The following NME5 variants were observed in gnomAD, a reference collection of about 807,000 sequenced individuals.
NME5 encodes nucleoside diphosphate kinase 5.
A neutral mutation model predicts 21.6 loss-of-function variants in NME5; 18 were observed. That is an observed-to-expected ratio of 0.83 (90% CI 0.58 to 1.24). The LOEUF (loss-of-function observed/expected upper bound fraction) is 1.24, where lower values mean the gene tolerates loss of function less well. NME5 is among the 50% of genes most tolerant of loss of function. The pLI is 0.00. For missense variants in NME5, 223 were observed against 255.4 expected (o/e 0.87, Z 0.86); for synonymous variants, 70 against 80.6 (o/e 0.87, Z 0.71).
intron 2 of NME5, among the ~76,000 whole-genome samples, chr5:138,134,709 C>A (rs1490084586): frequency 1.3e-5 from 2 of 149,318 alleles, no homozygotes; most frequent in Non-Finnish European, 3.0e-5. Flanking sequence ...ACACTAGCCA[C>A]TTAATTATTA....
Position 138,129,300 on chromosome 5 carries a change from T to C in NME5, c.298A>G (p.Asn100Asp). Reference protein sequence around the residue: ...ISYWLELLGPNNSLVAKETHP... With the variant: ...ISYWLELLGPDNSLVAKETHP... ...GTCTCCTTCGCTACTAAGCTATTAT[T>C]TGGTCCCAAAAGTTCTAACCAATAA... The change falls in exon 3 of 6, where the codon AAT becomes GAT. Residue 100 changes from asparagine to aspartate, a missense_variant. Asn to Asp is a conservative substitution (Grantham distance 23). Coordinates refer to ENST00000265191, the MANE Select transcript of NME5 (RefSeq NM_003551.3). The C allele has an allele frequency of 6.2e-7, 1 of 1,614,072 alleles. No individual in the cohort carries two copies. Among genetic ancestry groups the C allele is most frequent in the East Asian group, 2.2e-5 (1 of 44,882 alleles).
Position 138,118,868 on chromosome 5 carries a change from G to C in NME5, c.505C>G (p.Leu169Val). ...DYLNLHIMPT[L>V]LEGLTELCKQ... ...CAAAGCTCTGTGAGTCCTTCAAGCA[G>C]AGTTGGCATTATATGTAAATTTAAA... Residue 169 changes from leucine (L) to valine (V), a missense_variant, in exon 5 of 6, where the codon CTG becomes GTG. Transcript: ENST00000265191. 6.2e-7 allele frequency: 1 copy of C among 1,613,784 alleles called. No individual in the cohort carries two copies.
At position 138,115,315 on chromosome 5, in the gene NME5, T is replaced by G. The variant is rs1398490198; in HGVS notation, c.*366A>C. The stretch of plus-strand genomic sequence containing the variant: ...GGACTACAAAAGGACCTAAGCCTTT[T>G]AAACTAGACTGTCTCAACTGTGCAT... On this transcript the variant is annotated 3_prime_UTR_variant, in exon 6 of 6. Coordinates refer to ENST00000265191, the MANE Select transcript of NME5 (RefSeq NM_003551.3). 1 of 156,986 alleles carries G rather than the reference T, an allele frequency of 6.4e-6. No homozygotes were observed. The highest frequency in any genetic ancestry group is 1.4e-5 in the Non-Finnish European group (1 of 71,382). The allele number at this position is 156,986 out of a possible 1,614,324, so 9.7% of individuals were successfully genotyped here.
chr5:138,119,054 G>A, intron 4 of NME5, 118 bp from the exon 5 acceptor site: 1 of 610,286 alleles, frequency 1.6e-6, no homozygotes, highest in Non-Finnish European at 2.8e-6. Context: ...TTTTGAGATG[G>A]AGTCTTACTC....
intron 1 of NME5, 106 bp from the exon 2 acceptor site, chr5:138,138,891 C>G: frequency 9.9e-7 from 1 of 1,014,884 alleles, no homozygotes; most frequent in African/African-American, 1.6e-5. Context: ...TTAAGAATAG[C>G]AATAGTAGGT....
chr5:138,116,014 A>G (rs1052511642), intron 5 of NME5, among the ~76,000 whole-genome samples: 1 of 152,216 alleles, frequency 6.6e-6, no homozygotes, highest in African/African-American at 2.4e-5. Flanking sequence ...AGGAATTTAC[A>G]AGGAAGCCAC....
intron 4 of NME5, among the ~76,000 whole-genome samples, chr5:138,124,595 A>G (rs957642297): frequency 2.0e-5 from 3 of 152,122 alleles, no homozygotes; most frequent in Admixed American, 6.5e-5. Flanking sequence ...AATGCAGCTC[A>G]CTGCGGCCTC....
intron 4 of NME5, among the ~76,000 whole-genome samples, chr5:138,127,896 T>C (rs1464344169): frequency 6.6e-6 from 1 of 152,140 alleles, no homozygotes; most frequent in Non-Finnish European, 1.5e-5. Flanking sequence ...CAGAAGAATA[T>C]GTCTAATGCA....
intron 2 of NME5, among the ~76,000 whole-genome samples, chr5:138,137,413 G>A (rs1751723369): frequency 6.6e-6 from 1 of 151,946 alleles, no homozygotes; most frequent in Non-Finnish European, 1.5e-5. Context: ...TGCCTCCTGA[G>A]TTCAAGCGAT....
chr5:138,122,463 A>AAAAAAAAG (rs1196337031), intron 4 of NME5, among the ~76,000 whole-genome samples: 30 of 149,016 alleles, frequency 2.0e-4, no homozygotes, highest in African/African-American at 7.4e-4. Context: ...AAAAAAAAAA[A>AAAAAAAAG]AAAAAATTGT....
intron 2 of NME5, among the ~76,000 whole-genome samples, chr5:138,136,974 C>T: frequency 6.6e-6 from 1 of 150,504 alleles, no homozygotes; most frequent in East Asian, 1.9e-4. Context: ...TCTTTTCTTC[C>T]ATGGCTCCTA....
In NME5 at chr5:138,129,355, G is replaced by T; in HGVS notation, c.243C>A (p.Ala81=). Reference sequence around the variant, plus strand: ...TGGCTTTATGTCTAGCTAATATCATGGCGACAAGTGGTCCAGAACTCATGT... The same window carrying T: ...TGGCTTTATGTCTAGCTAATATCATTGCGACAAGTGGTCCAGAACTCATGT... ...TAYMSSGPLV[A]MILARHKAIS... is the part of the protein sequence containing the mutation. Residue 81 remains alanine, a synonymous_variant, in exon 3 of 6, where the codon GCC becomes GCA. Coordinates refer to ENST00000265191, the MANE Select transcript of NME5 (RefSeq NM_003551.3). The T allele has an allele frequency of 6.2e-7, 1 of 1,613,878 alleles. No homozygotes were observed. The highest frequency in any genetic ancestry group is 8.5e-7 in the Non-Finnish European group (1 of 1,179,844).
At chr5:138,123,446 A>G (rs559570770) in intron 4 of NME5, among the ~76,000 whole-genome samples, 2 of 152,232 alleles carry the variant, frequency 1.3e-5, no homozygotes, top group Admixed American at 1.3e-4. Flanking sequence ...GATTCCACAT[A>G]TAAGTGAGAT....
At chr5:138,138,857 A>G in intron 1 of NME5, 72 bp from the exon 2 acceptor site, 1 of 1,360,374 alleles carries the variant, frequency 7.4e-7, no homozygotes, top group Non-Finnish European at 1.0e-6. Flanking sequence ...CCCCACCCCC[A>G]TCGCAAATTC....
intron 2 of NME5, among the ~76,000 whole-genome samples, chr5:138,133,956 T>C (rs1481522148): frequency 6.6e-6 from 1 of 152,236 alleles, no homozygotes. Context: ...AAATGTACAC[T>C]TAAAAACGGT....
At chr5:138,129,890 G>A (rs1021277568) in intron 2 of NME5, among the ~76,000 whole-genome samples, 3 of 152,156 alleles carry the variant, frequency 2.0e-5, no homozygotes, top group African/African-American at 7.2e-5. Context: ...CCGGGAGGCG[G>A]AGGTTGCAGG....
rs112567444 is a variant in NME5 at position 138,122,213 on chromosome 5, T to A, written c.437-3277A>T. On this transcript the variant is annotated intron_variant, in intron 4 of 5. Coordinates refer to ENST00000265191, the MANE Select transcript of NME5 (RefSeq NM_003551.3). ...CAGCACTTTGGGAGGCCAAGGCGGG[T>A]GGATCACCTGAAGTCAGGAGTTTGA... Among the ~76,000 whole-genome samples, 8 of 151,428 alleles carry A rather than the reference T, an allele frequency of 5.3e-5. No homozygotes were observed. The South Asian group carries it at 1.0e-3, about 20-fold the overall frequency.
At chr5:138,123,985 CTTTTTTTT>C (rs70979583) in intron 4 of NME5, among the ~76,000 whole-genome samples, 1 of 37,212 alleles carries the variant, frequency 2.7e-5, no homozygotes. Flanking sequence ...ATTTTGAGCA[CTTTTTTTT>C]TTTTTTTTTT....
At chr5:138,138,827 C>A in intron 1 of NME5, 42 bp from the exon 2 acceptor site, 2 of 1,567,226 alleles carry the variant, frequency 1.3e-6, no homozygotes, top group Non-Finnish European at 1.7e-6. Context: ...CAGGTATCAA[C>A]TGCAATGACA....
Sources: gnomAD v4.1 joint callset for allele counts (sites outside exome capture counted in the v4.1 genomes callset) on GRCh38, gnomAD v4.1.1 for gene constraint, MANE v1.5 for transcripts, NCBI Gene and HGNC (gene_info 2026-07-23, HGNC 2026-07-21) for gene names.